UVRAG: variants seen among roughly 807,000 people sequenced by gnomAD.
UVRAG encodes the protein UV radiation resistance associated.
Under a neutral mutation model 78.0 loss-of-function variants are expected in UVRAG, and 19 were observed. That is an observed-to-expected ratio of 0.24 (90% CI 0.17 to 0.36). UVRAG has a LOEUF of 0.36. Among genes scored for constraint, UVRAG ranks in the 10% least tolerant of loss-of-function variants. The pLI is 1.00. For missense variants in UVRAG, 740 were observed against 853.8 expected (o/e 0.87, Z 1.66); for synonymous variants, 323 against 324.6 (o/e 1.00, Z 0.05).
intron 13 of UVRAG, among the ~76,000 whole-genome samples, chr11:76,094,166 A>G (rs1208103165): frequency 6.6e-6 from 1 of 152,028 alleles, no homozygotes; most frequent in Non-Finnish European, 1.5e-5. Context: ...ACGTTTATTG[A>G]TTTGTGTATG....
chr11:75,963,710 C>A (rs1222980024), intron 7 of UVRAG, among the ~76,000 whole-genome samples: 1 of 152,196 alleles, frequency 6.6e-6, no homozygotes, highest in African/African-American at 2.4e-5. Flanking sequence ...TGGTGACTTT[C>A]AAAAATTTGG....
intron 5 of UVRAG, among the ~76,000 whole-genome samples, chr11:75,889,772 C>T (rs779808403): frequency 3.5e-4 from 53 of 152,142 alleles, no homozygotes; most frequent in Non-Finnish European, 7.1e-4. Flanking sequence ...TAATTTCCTG[C>T]TGTTGTGGAG....
chr11:76,112,098 A>G (rs1952080877), intron 13 of UVRAG, among the ~76,000 whole-genome samples: 1 of 152,178 alleles, frequency 6.6e-6, no homozygotes, highest in African/African-American at 2.4e-5. Flanking sequence ...GAATGAAAAC[A>G]GACTGAAAAT....
chr11:76,082,487 C>T (rs59789333), intron 13 of UVRAG, among the ~76,000 whole-genome samples: 16,463 of 129,808 alleles, frequency 0.13, 2,268 homozygotes, highest in African/African-American at 0.36. Flanking sequence ...TTGCAGTGAG[C>T]GGAGATGGCA....
chr11:75,871,393 T>C (rs566735387), intron 3 of UVRAG, among the ~76,000 whole-genome samples: 1 of 152,024 alleles, frequency 6.6e-6, no homozygotes, highest in Non-Finnish European at 1.5e-5. Context: ...TTCAAGTGAT[T>C]ATCCCACCTC....
chr11:75,996,059 G>A, intron 8 of UVRAG, among the ~76,000 whole-genome samples: 1 of 151,990 alleles, frequency 6.6e-6, no homozygotes. Context: ...CAGTTTCCAT[G>A]TAAGTATAGT....
chr11:75,837,090 G>A lies in UVRAG; in HGVS notation c.118-14793G>A, dbSNP rs1277580668. Among the ~76,000 whole-genome samples the A allele has an allele frequency of 2.9e-3, 446 of 152,258 alleles. 6 individuals are homozygous for A. In the East Asian group the frequency reaches 0.073, roughly 25 times the overall value. On this transcript the variant is annotated intron_variant, in intron 1 of 14. Transcript: ENST00000356136. ...CACGCCTGTAATCCCAGCACTTTGG[G>A]AGGCCAAGGTGGGTGGATCCTGAGG...
chr11:76,063,859 T>G (rs943665541), intron 12 of UVRAG, among the ~76,000 whole-genome samples: 1 of 152,238 alleles, frequency 6.6e-6, no homozygotes, highest in Non-Finnish European at 1.5e-5. Flanking sequence ...TTTTACCCTT[T>G]AAAATGGGTA....
At chr11:75,959,256 G>A (rs935728642) in intron 6 of UVRAG, among the ~76,000 whole-genome samples, 15 of 152,182 alleles carry the variant, frequency 9.9e-5, no homozygotes, top group African/African-American at 3.1e-4. Context: ...GAAAGTCCTA[G>A]GTGGCATCTT....
intron 13 of UVRAG, among the ~76,000 whole-genome samples, chr11:76,067,957 G>A (rs995439260): frequency 1.3e-5 from 2 of 152,026 alleles, no homozygotes; most frequent in Admixed American, 1.3e-4. Flanking sequence ...TCTCTTTCTT[G>A]CTCTAGGCAC....
intron 2 of UVRAG, among the ~76,000 whole-genome samples, chr11:75,856,680 A>G (rs1044786068): frequency 6.6e-6 from 1 of 152,230 alleles, no homozygotes; most frequent in South Asian, 2.1e-4. Flanking sequence ...TTCTGGGTTC[A>G]AGCAATCCAC....
intron 12 of UVRAG, among the ~76,000 whole-genome samples, chr11:76,054,370 G>T (rs1321583645): frequency 1.3e-5 from 2 of 152,128 alleles, no homozygotes; most frequent in Non-Finnish European, 2.9e-5. Flanking sequence ...CTAAATTTTT[G>T]CAGTAGCCTC....
At chr11:75,839,640 T>G (rs769152648) in intron 1 of UVRAG, among the ~76,000 whole-genome samples, 1 of 152,102 alleles carries the variant, frequency 6.6e-6, no homozygotes, top group Non-Finnish European at 1.5e-5. Context: ...AGCTCAGTTT[T>G]TCTTTAGGCT....
At chr11:75,916,117 T>C (rs1237365260) in intron 6 of UVRAG, 1 of 152,258 alleles carries the variant, frequency 6.6e-6, no homozygotes, top group African/African-American at 2.4e-5. Flanking sequence ...ATTGTTTTTT[T>C]CCCCTTCTTC....
At chr11:76,065,360 A>G (rs1284043760) in intron 12 of UVRAG, among the ~76,000 whole-genome samples, 8 of 152,208 alleles carry the variant, frequency 5.3e-5, no homozygotes, top group Admixed American at 5.2e-4. Context: ...GTCAGGTCCA[A>G]GATATTAGAG....
At chr11:76,083,528 C>T (rs1951535835) in intron 13 of UVRAG, among the ~76,000 whole-genome samples, 2 of 152,026 alleles carry the variant, frequency 1.3e-5, no homozygotes, top group Admixed American at 1.3e-4. Flanking sequence ...TAGGTCAAGC[C>T]CCTGCACTGA....
intron 5 of UVRAG, among the ~76,000 whole-genome samples, chr11:75,902,449 A>C (rs1470500248): frequency 1.3e-5 from 2 of 152,170 alleles, no homozygotes; most frequent in African/African-American, 4.8e-5. Flanking sequence ...TCAGGTGGTG[A>C]TGCTTGCCCT....
intron 12 of UVRAG, among the ~76,000 whole-genome samples, chr11:76,054,571 C>T (rs1019400392): frequency 4.6e-5 from 7 of 152,244 alleles, no homozygotes; most frequent in African/African-American, 1.7e-4. Context: ...GCTCCAGGCA[C>T]TCTGGTCTGC....
intron 7 of UVRAG, among the ~76,000 whole-genome samples, chr11:75,967,479 T>C (rs1270980963): frequency 1.3e-5 from 2 of 152,172 alleles, no homozygotes; most frequent in East Asian, 3.9e-4. Flanking sequence ...CTGCCACAAT[T>C]TTAAAACCTT....
Sources: gnomAD v4.1 joint callset for allele counts (sites outside exome capture counted in the v4.1 genomes callset) on GRCh38, gnomAD v4.1.1 for gene constraint, MANE v1.5 for transcripts, NCBI Gene and HGNC (gene_info 2026-07-23, HGNC 2026-07-21) for gene names.